Variants in LGR6 observed in about 807,000 individuals in gnomAD.
LGR6 encodes leucine-rich repeat-containing G protein-coupled receptor 6.
Under a neutral mutation model 69.4 loss-of-function variants are expected in LGR6, and 45 were observed. The ratio of observed to expected loss-of-function variants is 0.65; its 90% CI spans 0.51 to 0.83. The LOEUF is 0.83. LGR6 is among the 40% of genes least tolerant of loss of function. The pLI is 0.00. For synonymous variants in LGR6, 538 were observed against 555.0 expected (o/e 0.97, Z 0.43); for missense variants, 1,108 against 1,246.7 (o/e 0.89, Z 1.68).
intron 4 of LGR6, among the ~76,000 whole-genome samples, chr1:202,251,126 G>A (rs944765578): frequency 6.6e-6 from 1 of 152,080 alleles, no homozygotes; most frequent in Non-Finnish European, 1.5e-5. Flanking sequence ...CACAGATGAC[G>A]GCCTGATATA....
intron 1 of LGR6, among the ~76,000 whole-genome samples, chr1:202,199,722 G>A (rs1358988698): frequency 3.3e-5 from 5 of 152,142 alleles, no homozygotes; most frequent in Admixed American, 2.6e-4. Context: ...CCTGCTGGGC[G>A]CAGGCTTGAG....
chr1:202,240,740 A>G (rs115524940), intron 4 of LGR6, among the ~76,000 whole-genome samples: 18 of 152,272 alleles, frequency 1.2e-4, no homozygotes, highest in African/African-American at 3.9e-4. Context: ...TAGTGACAGT[A>G]AAAGCAGGCC....
intron 4 of LGR6, among the ~76,000 whole-genome samples, chr1:202,244,243 C>T (rs1259297641): frequency 2.0e-5 from 3 of 152,188 alleles, no homozygotes; most frequent in Non-Finnish European, 2.9e-5. Context: ...AGGCTTGAGC[C>T]ACCACGCCCA....
intron 4 of LGR6, among the ~76,000 whole-genome samples, chr1:202,236,851 A>G (rs1661607166): frequency 6.6e-6 from 1 of 152,156 alleles, no homozygotes; most frequent in Admixed American, 6.5e-5. Flanking sequence ...GGCCTCTCAT[A>G]TTCTCAGACT....
chr1:202,254,361 G>A (rs891198346), intron 4 of LGR6, among the ~76,000 whole-genome samples: 1 of 152,224 alleles, frequency 6.6e-6, no homozygotes, highest in Admixed American at 6.5e-5. Flanking sequence ...CTGGCTGTGA[G>A]GAGCTGGAGT....
intron 1 of LGR6, among the ~76,000 whole-genome samples, chr1:202,198,023 C>T (rs1383431509): frequency 6.6e-6 from 1 of 152,248 alleles, no homozygotes; most frequent in Non-Finnish European, 1.5e-5. Flanking sequence ...CTACACCAAG[C>T]AACCCCCATT....
chr1:202,248,636 G>A (rs1662960992), intron 4 of LGR6, among the ~76,000 whole-genome samples: 2 of 152,212 alleles, frequency 1.3e-5, no homozygotes, highest in East Asian at 1.9e-4. Context: ...TGGTGTTTGG[G>A]GGGATGTGCT....
chr1:202,225,386 G>A, intron 1 of LGR6, 37 bp from the exon 2 acceptor site: 1 of 1,591,830 alleles, frequency 6.3e-7, no homozygotes, highest in Non-Finnish European at 8.6e-7. Flanking sequence ...CCCAAGTGGG[G>A]AGTTCACAGC....
intron 17 of LGR6, among the ~76,000 whole-genome samples, chr1:202,316,552 T>C (rs915935582): frequency 1.3e-5 from 2 of 152,194 alleles, no homozygotes; most frequent in African/African-American, 4.8e-5. Context: ...ATCCAAATGA[T>C]AACAACAGTA....
chr1:202,270,693 G>A (rs1271760655), intron 4 of LGR6, among the ~76,000 whole-genome samples: 2 of 152,164 alleles, frequency 1.3e-5, no homozygotes, highest in African/African-American at 2.4e-5. Context: ...TATTGTCCTG[G>A]GTCGCTGTCA....
In LGR6 at chr1:202,303,828, G is replaced by A. The variant is rs139748652; in HGVS notation, c.998+481G>A. On this transcript the variant is annotated intron_variant, in intron 10 of 17. Transcript: ENST00000367278. Reference sequence around the variant, plus strand: ...AATCGAGCAAACACCCAGAATGAGTGTCAGGAAGTCGGCTGCCCTGCCCCA... The same window carrying A: ...AATCGAGCAAACACCCAGAATGAGTATCAGGAAGTCGGCTGCCCTGCCCCA... Among the ~76,000 whole-genome samples the A allele has an allele frequency of 1.8e-3, 268 of 152,302 alleles. 1 individual carries two copies. The highest frequency in any genetic ancestry group is 2.9e-3 in the Non-Finnish European group (200 of 68,022).
intron 6 of LGR6, among the ~76,000 whole-genome samples, chr1:202,287,380 C>T (rs999873438): frequency 3.3e-5 from 5 of 152,126 alleles, no homozygotes; most frequent in Non-Finnish European, 7.4e-5. Context: ...GACCTCATCA[C>T]CCTAACCCCT....
intron 1 of LGR6, among the ~76,000 whole-genome samples, chr1:202,204,388 CCACA>C (rs1329437871): frequency 2.5e-5 from 3 of 122,030 alleles, no homozygotes; most frequent in African/African-American, 6.3e-5. Flanking sequence ...ACACACACCT[CCACA>C]CACACACCTC....
intron 1 of LGR6, among the ~76,000 whole-genome samples, chr1:202,198,273 G>C (rs1481380949): frequency 6.6e-6 from 1 of 152,174 alleles, no homozygotes; most frequent in Admixed American, 6.5e-5. Flanking sequence ...CAGAGTTCAA[G>C]CTATCACTTA....
At chr1:202,264,412 A>G (rs1172275846) in intron 4 of LGR6, among the ~76,000 whole-genome samples, 1 of 152,148 alleles carries the variant, frequency 6.6e-6, no homozygotes, top group Admixed American at 6.5e-5. Flanking sequence ...CTGGAGAAGC[A>G]AGTCGGGAAG....
intron 4 of LGR6, chr1:202,236,409 G>A (rs955837837): frequency 2.0e-5 from 4 of 197,914 alleles, no homozygotes; most frequent in South Asian, 1.0e-4. Flanking sequence ...GCTGTGGGTG[G>A]GAAGGAGGCT....
At chr1:202,301,304 T>G in intron 9 of LGR6, 69 bp downstream of exon 9, 1 of 1,337,412 alleles carries the variant, frequency 7.5e-7, no homozygotes, top group Non-Finnish European at 1.1e-6. Flanking sequence ...TGCTCTCTCC[T>G]GCCTATCGCC....
chr1:202,194,188 C>G lies in LGR6; in HGVS notation c.199C>G (p.Leu67Val), dbSNP rs757375300. 6.4e-6 allele frequency: 10 copies of G among 1,561,144 alleles called. No homozygotes were observed. The highest frequency in any genetic ancestry group is 8.6e-6 in the Non-Finnish European group (10 of 1,162,158). The change falls in exon 1 of 18, where the codon CTG becomes GTG. Residue 67 changes from leucine to valine, a missense_variant. By Grantham distance (32) the Leu-to-Val change is conservative (BLOSUM62 1). Transcript: ENST00000367278. ...LSAVPGDLDP[L>V]TAYLDLSMNN... ...CGCCGTTCCGGGGGACCTGGACCCC[C>G]TGACGGCTTACCTGTGAGTACTGCC...
chr1:202,241,487 C>T (rs76330411), intron 4 of LGR6, among the ~76,000 whole-genome samples: 18,069 of 152,240 alleles, frequency 0.12, 1,347 homozygotes, highest in Middle Eastern at 0.22. Context: ...GGCTTGGCAC[C>T]TGGGCAGGCA....
Sources: gnomAD v4.1 joint callset for allele counts (sites outside exome capture counted in the v4.1 genomes callset) on GRCh38, gnomAD v4.1.1 for gene constraint, MANE v1.5 for transcripts, NCBI Gene and HGNC (gene_info 2026-07-23, HGNC 2026-07-21) for gene names.